The following ERFE variants were observed in gnomAD, a reference collection of about 807,000 sequenced individuals.
The protein encoded by ERFE is erythroferrone, also known as complement C1q tumor necrosis factor-related protein 15.
Under a neutral mutation model 26.6 loss-of-function variants are expected in ERFE, and 25 were observed. That is an observed-to-expected ratio of 0.94 (90% CI 0.69 to 1.31). The LOEUF (loss-of-function observed/expected upper bound fraction) is 1.31, where lower values mean the gene tolerates loss of function less well. ERFE is among the 40% of genes most tolerant of loss of function. The probability of loss-of-function intolerance (pLI) is 0.00; values close to 1 mark genes in which losing one functional copy is unlikely to be tolerated. For missense variants in ERFE, 447 were observed against 440.2 expected (o/e 1.02, Z -0.14); for synonymous variants, 206 against 204.5 (o/e 1.01, Z -0.06).
chr2:238,165,609 C>A lies in ERFE; in HGVS notation c.891C>A (p.Ser297=). 6.5e-7 allele frequency: 1 copy of A among 1,548,174 alleles called. No individual in the cohort carries two copies. The highest frequency in any genetic ancestry group is 8.7e-7 in the Non-Finnish European group (1 of 1,145,002). The change falls in exon 7 of 8, where the codon TCC becomes TCA. Residue 297 remains serine (S), a synonymous_variant. Transcript: ENST00000546354. The stretch of plus-strand genomic sequence containing the variant: ...CCTCCCTCTGTTTTGGGTACAGCTC[C>A]CTGGAGGCCATCATGGGCCTGGAGA... ...CIQSRCQRNA[S]LEAIMGLESS...
At chr2:238,163,681 A>C (rs1349441108) in intron 3 of ERFE, 56 bp from the exon 4 acceptor site, 1 of 1,260,802 alleles carries the variant, frequency 7.9e-7, no homozygotes, top group Non-Finnish European at 1.0e-6. Flanking sequence ...GGCTGGACCC[A>C]CGCGGCGGGC....
chr2:238,166,857 G>C (rs745474603), intron 7 of ERFE, 99 bp from the exon 8 acceptor site: 1 of 987,438 alleles, frequency 1.0e-6, no homozygotes. Context: ...TCCCAAAAGC[G>C]GGGCTGAGTG....
rs1263721961 is a variant in ERFE, at chr2:238,168,873, A to AAAT, written c.*1821_*1823dup. On this transcript the variant is annotated 3_prime_UTR_variant, in exon 8 of 8. Transcript: ENST00000546354. ...TTTATTAAAGTATTTATTGTCTAAT[A>AAAT]AATACTGCCAAGTGGAATATATTTA... 2 of 162,390 alleles carry AAAT rather than the reference A, an allele frequency of 1.2e-5. No homozygotes were observed. Among genetic ancestry groups the AAAT allele is most frequent in the African/African-American group, 4.8e-5 (2 of 41,744 alleles). 10.1% of individuals were successfully genotyped at this position (162,390 alleles called of 1,614,324 possible).
intron 1 of ERFE, among the ~76,000 whole-genome samples, chr2:238,161,061 C>T (rs981637983): frequency 1.3e-5 from 2 of 152,254 alleles, no homozygotes; most frequent in African/African-American, 4.8e-5. Flanking sequence ...CTCTCCCCCA[C>T]TGGACTGTAA....
In ERFE at chr2:238,163,901, C is replaced by T; in HGVS notation, c.589C>T (p.Pro197Ser). Reference sequence around the variant, plus strand: ...GCTGGCCGCGCCCCTGGCCCCGGGGCCGCGGGCGCCGCGCGTGGAGGCCGC... The same window carrying T: ...GCTGGCCGCGCCCCTGGCCCCGGGGTCGCGGGCGCCGCGCGTGGAGGCCGC... ...ALLAAPLAPG[P>S]RAPRVEAAFL... Residue 197 changes from proline (P) to serine (S), a missense_variant, in exon 4 of 8, where the codon CCG (proline) becomes TCG (serine). Coordinates refer to ENST00000546354, the MANE Select transcript of ERFE (RefSeq NM_001291832.2). 1 of 1,318,530 alleles carries T rather than the reference C, an allele frequency of 7.6e-7. No individual in the cohort carries two copies. Among genetic ancestry groups the T allele is most frequent in the Non-Finnish European group, 9.6e-7 (1 of 1,043,320 alleles). The allele number at this position is 1,318,530 out of a possible 1,614,324, so 81.7% of individuals were successfully genotyped here. A position where few individuals can be genotyped will look rare whatever the true frequency, so the allele number is the denominator to read the frequency against.
intron 6 of ERFE, 103 bp downstream of exon 6, chr2:238,164,463 C>T (rs1355310460): frequency 2.5e-6 from 3 of 1,185,842 alleles, no homozygotes; most frequent in Non-Finnish European, 3.6e-6. Context: ...CGTTCACACC[C>T]CACCGTGGCC....
intron 5 of ERFE, 25 bp from the exon 6 acceptor site, chr2:238,164,245 G>A (rs1227435252): frequency 6.9e-7 from 1 of 1,446,014 alleles, no homozygotes; most frequent in Non-Finnish European, 9.0e-7. Context: ...CCGCCCGCTT[G>A]ACCACGTCCC....
At chr2:238,161,806 C>T in intron 2 of ERFE, 90 bp downstream of exon 2, 1 of 1,413,922 alleles carries the variant, frequency 7.1e-7, no homozygotes. Context: ...TGAACATTTC[C>T]AATAGCACAC....
At chr2:238,165,844 CTT>C (rs1316898937) in intron 7 of ERFE, among the ~76,000 whole-genome samples, 160 bp downstream of exon 7, 1 of 152,242 alleles carries the variant, frequency 6.6e-6, no homozygotes, top group East Asian at 1.9e-4. Context: ...CAAGTTCTCA[CTT>C]TGGTCTGGGC....
Position 238,161,728 on chromosome 2 carries a change from A to C in ERFE, c.321+12A>C. On this transcript the variant is annotated intron_variant, in intron 2 of 7. Transcript: ENST00000546354. ...CCAAGAAGCTGAAGGTGAGGCCGGCATCCCGTCAGTGCCAGGCCGTGGGGG... is the reference window on the plus strand; with the variant it reads ...CCAAGAAGCTGAAGGTGAGGCCGGCCTCCCGTCAGTGCCAGGCCGTGGGGG... 6.5e-7 allele frequency: 1 copy of C among 1,538,498 alleles called. No homozygotes were observed. Among genetic ancestry groups the C allele is most frequent in the Non-Finnish European group, 8.8e-7 (1 of 1,137,392 alleles).
intron 1 of ERFE, among the ~76,000 whole-genome samples, chr2:238,160,048 A>G (rs1692914549): frequency 6.6e-6 from 1 of 151,956 alleles, no homozygotes; most frequent in Admixed American, 6.6e-5. Context: ...GACTGAAGGC[A>G]CCCCCTCCCC....
intron 6 of ERFE, 163 bp downstream of exon 6, chr2:238,164,523 A>G: frequency 3.1e-6 from 2 of 648,654 alleles, no homozygotes; most frequent in South Asian, 1.9e-5. Context: ...TTCTGCCCCT[A>G]TCAGGCCTTC....
At chr2:238,160,604 C>T (rs1263916552) in intron 1 of ERFE, among the ~76,000 whole-genome samples, 1 of 152,178 alleles carries the variant, frequency 6.6e-6, no homozygotes, top group Non-Finnish European at 1.5e-5. Flanking sequence ...TCCTCGGCAC[C>T]GCAGCCCCCA....
At chr2:238,164,024 G>T in intron 4 of ERFE, 25 bp downstream of exon 4, 1 of 1,374,382 alleles carries the variant, frequency 7.3e-7, no homozygotes, top group Non-Finnish European at 9.3e-7. Context: ...GCGGGAGGGC[G>T]GGTGAGTCCG....
chr2:238,165,621 C>G lies in ERFE; in HGVS notation c.903C>G (p.Ile301Met), dbSNP rs542860760. 9 of 1,548,620 alleles carry G rather than the reference C, an allele frequency of 5.8e-6. No homozygotes were observed. The highest frequency in any genetic ancestry group is 1.4e-5 in the African/African-American group (1 of 73,162). ...TTGGGTACAGCTCCCTGGAGGCCAT[C>G]ATGGGCCTGGAGAGCAGCAGTGAGC... is the stretch of plus-strand genomic sequence containing the variant. Reference protein sequence around the residue: ...RCQRNASLEAIMGLESSSELF... With the variant: ...RCQRNASLEAMMGLESSSELF... The change falls in exon 7 of 8, where the codon ATC becomes ATG. Residue 301 changes from isoleucine to methionine, a missense_variant. Ile to Met is a conservative substitution (Grantham distance 10). Coordinates refer to ENST00000546354, the MANE Select transcript of ERFE (RefSeq NM_001291832.2).
At position 238,162,853 on chromosome 2, in the gene ERFE, C is replaced by T. The variant is rs557233499; in HGVS notation, c.424+15C>T. On this transcript the variant is annotated intron_variant, in intron 3 of 7. Coordinates refer to ENST00000546354, the MANE Select transcript of ERFE (RefSeq NM_001291832.2). Reference sequence around the variant, plus strand: ...GCTGCTGAAAGGTAGGGGTGTGCACCGGCTGGGACACACACACCCCGCTGT... The same window carrying T: ...GCTGCTGAAAGGTAGGGGTGTGCACTGGCTGGGACACACACACCCCGCTGT... The T allele has an allele frequency of 8.3e-5, 128 of 1,540,562 alleles. No homozygotes were observed. Among genetic ancestry groups the T allele is most frequent in the Middle Eastern group, 1.7e-4 (1 of 5,960 alleles).
intron 1 of ERFE, among the ~76,000 whole-genome samples, chr2:238,159,966 A>AG (rs973150083): frequency 6.6e-6 from 1 of 152,154 alleles, no homozygotes; most frequent in Non-Finnish European, 1.5e-5. Flanking sequence ...TAGAGAGGAC[A>AG]GGGGTGCAGC....
chr2:238,164,231 C>A, intron 5 of ERFE, 39 bp from the exon 6 acceptor site: 3 of 1,435,120 alleles, frequency 2.1e-6, no homozygotes, highest in Middle Eastern at 2.5e-4. Context: ...GCCCACCCCG[C>A]CGCCCGCCCG....
intron 7 of ERFE, 44 bp downstream of exon 7, chr2:238,165,728 TGGCCACGGGTGGCTG>T (rs772312129): frequency 5.7e-5 from 86 of 1,520,008 alleles, no homozygotes; most frequent in Non-Finnish European, 7.4e-5. Flanking sequence ...CGCCTGGGCA[TGGCCACGGGTGGCTG>T]GGTGCAGAAG....
Sources: gnomAD v4.1 joint callset for allele counts (sites outside exome capture counted in the v4.1 genomes callset) on GRCh38, gnomAD v4.1.1 for gene constraint, MANE v1.5 for transcripts, NCBI Gene and HGNC (gene_info 2026-07-23, HGNC 2026-07-21) for gene names.